EPB41L4A: variants seen among roughly 807,000 people sequenced by gnomAD.
EPB41L4A encodes the protein erythrocyte membrane protein band 4.1 like 4A.
Under a neutral mutation model 108.6 loss-of-function variants are expected in EPB41L4A, and 100 were observed. The observed-to-expected ratio is 0.92, with a 90% CI of 0.78 to 1.09. The LOEUF is 1.09. Ranked by LOEUF, EPB41L4A falls within the 50% of genes least tolerant of loss-of-function variation. The pLI is 0.00. For synonymous variants in EPB41L4A, 319 were observed against 289.0 expected, an observed-to-expected ratio of 1.10 and a Z score of -1.05; for missense variants, 1,030 against 842.7, an observed-to-expected ratio of 1.22 and a Z score of -2.75.
intron 4 of EPB41L4A, among the ~76,000 whole-genome samples, chr5:112,268,011 G>C (rs1008003992): frequency 1.3e-5 from 2 of 152,136 alleles, no homozygotes; most frequent in Non-Finnish European, 2.9e-5. Context: ...AAATCCACTT[G>C]ATAATGATCA....
At chr5:112,166,349 GAAT>G (rs967596323) in intron 22 of EPB41L4A, among the ~76,000 whole-genome samples, 1 of 152,192 alleles carries the variant, frequency 6.6e-6, no homozygotes, top group Admixed American at 6.5e-5. Flanking sequence ...TTAGCACTTG[GAAT>G]AAAACAGTAA....
At chr5:112,252,733 G>GTAC (rs1343543463) in intron 9 of EPB41L4A, among the ~76,000 whole-genome samples, 2 of 151,990 alleles carry the variant, frequency 1.3e-5, no homozygotes, top group Non-Finnish European at 2.9e-5. Flanking sequence ...CACCTGTTGG[G>GTAC]TACTAAGCTC....
intron 1 of EPB41L4A, among the ~76,000 whole-genome samples, chr5:112,369,639 T>C (rs781142784): frequency 1.3e-5 from 2 of 152,266 alleles, no homozygotes; most frequent in Admixed American, 6.5e-5. Flanking sequence ...ATAGTTGTTT[T>C]ATCTCCATTG....
At chr5:112,332,429 G>C (rs764443554) in intron 1 of EPB41L4A, among the ~76,000 whole-genome samples, 1 of 152,182 alleles carries the variant, frequency 6.6e-6, no homozygotes, top group South Asian at 2.1e-4. Context: ...ATTTCAGAGT[G>C]TGAAAGGGTC....
chr5:112,413,766 T>C (rs6863610), intron 1 of EPB41L4A, among the ~76,000 whole-genome samples: 21,703 of 152,172 alleles, frequency 0.14, 4,301 homozygotes, highest in African/African-American at 0.44. Flanking sequence ...AGGAATCTCA[T>C]GCATAAAGTC....
rs1760096635 is a variant in EPB41L4A, at chr5:112,164,304, G to A, written c.*686C>T. 6.6e-6 allele frequency: 1 copy of A among 152,298 alleles called. No homozygotes were observed. Among genetic ancestry groups the A allele is most frequent in the Middle Eastern group, 3.4e-3 (1 of 294 alleles). 9.4% of individuals were successfully genotyped at this position (152,298 alleles called of 1,614,324 possible). On this transcript the variant is annotated 3_prime_UTR_variant, in exon 23 of 23. Transcript: ENST00000261486. ...GATGCCTCAGTCCTTTTGCATCTGGGCACTAGTTGAGAACCAGCCCAGCCC... is the reference window on the plus strand; with the variant it reads ...GATGCCTCAGTCCTTTTGCATCTGGACACTAGTTGAGAACCAGCCCAGCCC...
chr5:112,242,021 T>C (rs1210575256), intron 9 of EPB41L4A, among the ~76,000 whole-genome samples: 1 of 152,178 alleles, frequency 6.6e-6, no homozygotes, highest in Non-Finnish European at 1.5e-5. Context: ...TCATAATCTT[T>C]TGGTTGGTGG....
intron 13 of EPB41L4A, 96 bp from the exon 14 acceptor site, chr5:112,205,600 T>A (rs1435864476): frequency 8.6e-6 from 8 of 932,818 alleles, no homozygotes; most frequent in Non-Finnish European, 1.3e-5. Flanking sequence ...TAACAAATGT[T>A]AAGATGTGCA....
At chr5:112,228,663 C>T (rs1748644509) in intron 12 of EPB41L4A, 1 of 973,678 alleles carries the variant, frequency 1.0e-6, no homozygotes, top group Non-Finnish European at 1.2e-6. Flanking sequence ...GTCTTCATTG[C>T]CTACTTACAG....
At chr5:112,169,713 A>C (rs1760461949) in intron 20 of EPB41L4A, among the ~76,000 whole-genome samples, 1 of 152,240 alleles carries the variant, frequency 6.6e-6, no homozygotes, top group Non-Finnish European at 1.5e-5. Flanking sequence ...TTTGACCTAA[A>C]GATGGGGACG....
At chr5:112,192,061 T>A (rs1199335804) in intron 17 of EPB41L4A, 1 of 152,290 alleles carries the variant, frequency 6.6e-6, no homozygotes, top group Non-Finnish European at 1.5e-5. Context: ...TGGATCACAC[T>A]GTCAGCCAAG....
chr5:112,167,629 C>G (rs1269288356), intron 22 of EPB41L4A, among the ~76,000 whole-genome samples: 1 of 152,136 alleles, frequency 6.6e-6, no homozygotes, highest in Non-Finnish European at 1.5e-5. Context: ...CCCCTTGTCC[C>G]AAAGTAGAAT....
chr5:112,350,050 T>C (rs1044100130), intron 1 of EPB41L4A, among the ~76,000 whole-genome samples: 1 of 152,232 alleles, frequency 6.6e-6, no homozygotes, highest in African/African-American at 2.4e-5. Flanking sequence ...AAATATTCTG[T>C]AATATGCAGT....
intron 17 of EPB41L4A, among the ~76,000 whole-genome samples, chr5:112,184,922 A>C (rs891445424): frequency 6.6e-6 from 1 of 152,214 alleles, no homozygotes; most frequent in African/African-American, 2.4e-5. Context: ...CCAATTCTAA[A>C]GCATGATATA....
rs1359306671 is a variant in EPB41L4A at position 112,302,921 on chromosome 5, A to T, written c.204+4465T>A. On this transcript the variant is annotated intron_variant, in intron 2 of 22. Transcript: ENST00000261486. ...AAGCCACCTGCCATCATTGTTTCCC[A>T]GATACCCTTCATGTGTTGTTGTCAG... Among the ~76,000 whole-genome samples, 3 of 152,132 alleles carry T rather than the reference A, an allele frequency of 2.0e-5. No homozygotes were observed. The East Asian group carries it at 5.8e-4, about 29-fold the overall frequency.
At chr5:112,305,388 C>T (rs948759917) in intron 2 of EPB41L4A, among the ~76,000 whole-genome samples, 16 of 152,156 alleles carry the variant, frequency 1.1e-4, no homozygotes, top group Non-Finnish European at 2.2e-4. Context: ...TATGTGAGGT[C>T]CCGAATGTAC....
chr5:112,217,196 AG>A (rs1159292952), intron 12 of EPB41L4A, among the ~76,000 whole-genome samples: 1 of 152,138 alleles, frequency 6.6e-6, no homozygotes, highest in Non-Finnish European at 1.5e-5. Flanking sequence ...CACCTGCCTC[AG>A]CCTCCCAAAA....
Position 112,418,961 on chromosome 5 carries a change from T to G in EPB41L4A, c.79A>C (p.Thr27Pro). ...LLDESKLTLT[T>P]QQQGIKKSTK... ...CCCACCTTGATGCCCTGCTGCTGGG[T>G]GGTAAGGGTTAACTTGGATTCATCC... Residue 27 changes from threonine (T) to proline (P), a missense_variant, in exon 1 of 23, where the codon ACC becomes CCC. By Grantham distance (38) the Thr-to-Pro change is conservative (BLOSUM62 -1). Coordinates refer to ENST00000261486, the MANE Select transcript of EPB41L4A (RefSeq NM_022140.5). 6.2e-7 allele frequency: 1 copy of G among 1,612,370 alleles called. No individual in the cohort carries two copies. The highest frequency in any genetic ancestry group is 8.5e-7 in the Non-Finnish European group (1 of 1,179,284).
chr5:112,234,843 T>C, intron 11 of EPB41L4A, 88 bp from the exon 12 acceptor site: 1 of 1,407,124 alleles, frequency 7.1e-7, no homozygotes, highest in South Asian at 1.5e-5. Flanking sequence ...CTGCCAAATA[T>C]GGAGAGAAGA....
Sources: allele counts gnomAD v4.1 joint callset (sites outside exome capture counted in the v4.1 genomes callset), GRCh38; gene constraint gnomAD v4.1.1; transcripts MANE v1.5; gene names NCBI Gene and HGNC (gene_info 2026-07-23, HGNC 2026-07-21).